The following EVC variants were observed in gnomAD, a reference collection of about 807,000 sequenced individuals.
EVC encodes evC complex member EVC.
A neutral mutation model predicts 118.9 loss-of-function variants in EVC; 116 were observed. The ratio of observed to expected loss-of-function variants is 0.98; its 90% CI spans 0.84 to 1.14. The LOEUF (loss-of-function observed/expected upper bound fraction) is 1.14, where lower values mean the gene tolerates loss of function less well. Among genes scored for constraint, EVC ranks in the 50% most tolerant of loss-of-function variants. EVC has a pLI of 0.00. For synonymous variants in EVC, 619 were observed against 534.7 expected, an observed-to-expected ratio of 1.16 and a Z score of -2.18; for missense variants, 1,401 against 1,246.4, an observed-to-expected ratio of 1.12 and a Z score of -1.87.
intron 18 of EVC, 120 bp from the exon 19 acceptor site, chr4:5,809,398 C>G (rs1716525477): frequency 1.2e-6 from 1 of 856,266 alleles, no homozygotes; most frequent in East Asian, 2.5e-5. Context: ...AATTCTCCTC[C>G]ACACGGGAGA....
chr4:5,759,479 G>C (rs1731677136), intron 11 of EVC, among the ~76,000 whole-genome samples: 1 of 152,030 alleles, frequency 6.6e-6, no homozygotes, highest in East Asian at 1.9e-4. Flanking sequence ...TGCCGGAGGT[G>C]AGCCCAGGTG....
chr4:5,825,356 G>C, the EVC span: 1 of 1,428,618 alleles, frequency 7.0e-7, no homozygotes, highest in South Asian at 1.7e-5. The surrounding 1 kb of genome is among the most constrained non-coding windows in gnomAD (Gnocchi z 4.4). Flanking sequence ...GTGAGAGCAG[G>C]CTCGGGTGGG....
intron 12 of EVC, among the ~76,000 whole-genome samples, chr4:5,788,291 C>T (rs1326182278): frequency 6.6e-6 from 1 of 152,196 alleles, no homozygotes; most frequent in Non-Finnish European, 1.5e-5. Flanking sequence ...AGGCCACATC[C>T]AATCCCTGGG....
At position 5,798,511 on chromosome 4, in the gene EVC, C is replaced by T; in HGVS notation, c.2098-75C>T. On this transcript the variant is annotated intron_variant, in intron 14 of 20. Transcript: ENST00000264956. This position sits in a 1 kb window ranked among gnomAD's most constrained non-coding sequence, Gnocchi z 4.1. Reference sequence around the variant, plus strand: ...CCCTGGGCCCTGGATAGGACCAGCCCCACATCCCAGTCCTGGCCAGAGCTT... The same window carrying T: ...CCCTGGGCCCTGGATAGGACCAGCCTCACATCCCAGTCCTGGCCAGAGCTT... 6.8e-7 allele frequency: 1 copy of T among 1,461,354 alleles called. No homozygotes were observed. 90.5% of individuals were successfully genotyped at this position (1,461,354 alleles called of 1,614,324 possible). A position where few individuals can be genotyped will look rare whatever the true frequency, so the allele number is the denominator to read the frequency against.
rs1728934433 is a variant in EVC, at chr4:5,743,610, T to C, written c.802-1594T>C. Among the ~76,000 whole-genome samples, 1 of 152,090 alleles carries C rather than the reference T, an allele frequency of 6.6e-6. No homozygotes were observed. Among genetic ancestry groups the C allele is most frequent in the African/African-American group, 2.4e-5 (1 of 41,406 alleles). On this transcript the variant is annotated intron_variant, in intron 6 of 20. Coordinates refer to ENST00000264956, the MANE Select transcript of EVC (RefSeq NM_153717.3). This position sits in a 1 kb window ranked among gnomAD's most constrained non-coding sequence, Gnocchi z 4.7. ...TCCTTGTTCCTACCACTGTGAGATCTGGGGGTTTGGGAAGGAATGTTTCTT... is the reference window on the plus strand; with the variant it reads ...TCCTTGTTCCTACCACTGTGAGATCCGGGGGTTTGGGAAGGAATGTTTCTT...
chr4:5,711,615 C>T (rs1287565269), intron 1 of EVC, 61 bp downstream of exon 1: 2 of 1,128,926 alleles, frequency 1.8e-6, no homozygotes, highest in African/African-American at 1.6e-5. Flanking sequence ...CTTCTGGGTC[C>T]TGCGGGCCCG....
intron 7 of EVC, among the ~76,000 whole-genome samples, chr4:5,747,156 T>C (rs1435773197): frequency 2.0e-5 from 3 of 151,956 alleles, no homozygotes; most frequent in Non-Finnish European, 4.4e-5. Flanking sequence ...TGATGAGGGG[T>C]GTTCATCTGG....
At chr4:5,712,616 T>G (rs1336700518) in intron 1 of EVC, among the ~76,000 whole-genome samples, 2 of 152,170 alleles carry the variant, frequency 1.3e-5, no homozygotes, top group African/African-American at 4.8e-5. Flanking sequence ...CGTGGGAAGA[T>G]GAGACAGATC....
At position 5,754,274 on chromosome 4, in the gene EVC, C is replaced by G. The variant is rs998651200; in HGVS notation, c.1464+341C>G. Among the ~76,000 whole-genome samples the G allele has an allele frequency of 1.3e-5, 2 of 152,098 alleles. No homozygotes were observed. The highest frequency in any genetic ancestry group is 2.4e-5 in the African/African-American group (1 of 41,406). Reference sequence around the variant, plus strand: ...CAATGTGTGGCCCAGAGGGGACAAGCATGTCCCGGAGAGTAAGGCAGGCTC... The same window carrying G: ...CAATGTGTGGCCCAGAGGGGACAAGGATGTCCCGGAGAGTAAGGCAGGCTC... On this transcript the variant is annotated intron_variant, in intron 10 of 20. Coordinates refer to ENST00000264956, the MANE Select transcript of EVC (RefSeq NM_153717.3). This position sits in a 1 kb window ranked among gnomAD's most constrained non-coding sequence, Gnocchi z 5.8.
chr4:5,790,375 C>G (rs1712551673), intron 12 of EVC, among the ~76,000 whole-genome samples: 1 of 152,146 alleles, frequency 6.6e-6, no homozygotes, highest in South Asian at 2.1e-4. Flanking sequence ...TCCACCAGAA[C>G]TGAAGTCTAG....
At chr4:5,821,700 G>T in the EVC span, 1 of 1,487,516 alleles carries the variant, frequency 6.7e-7, no homozygotes. The surrounding 1 kb of genome is among the most constrained non-coding windows in gnomAD (Gnocchi z 4.4). Flanking sequence ...AACACTGACA[G>T]GAAAAGGGAT....
intron 11 of EVC, among the ~76,000 whole-genome samples, chr4:5,783,315 T>C (rs1215941957): frequency 6.7e-6 from 1 of 148,552 alleles, no homozygotes; most frequent in Non-Finnish European, 1.5e-5. Context: ...TGTCTGTGTG[T>C]ACAAGTGTGT....
chr4:5,803,336 C>T (rs1015570077), intron 16 of EVC, among the ~76,000 whole-genome samples: 3 of 152,222 alleles, frequency 2.0e-5, no homozygotes, highest in Admixed American at 1.3e-4. Context: ...CTGTCTTCCC[C>T]TTCTCCTGAA....
In EVC at chr4:5,809,499, C is replaced by T. The variant is rs778945216; in HGVS notation, c.2689-19C>T. 2.5e-6 allele frequency: 4 copies of T among 1,612,000 alleles called. No homozygotes were observed. The East Asian group carries it at 8.9e-5, about 36-fold the overall frequency. On this transcript the variant is annotated intron_variant, in intron 18 of 20. Coordinates refer to ENST00000264956, the MANE Select transcript of EVC (RefSeq NM_153717.3). ...CAGAGGGAGGCCCAGCTGAATGCTC[C>T]TCTCTGCTTGCATTTCAGGAAGCTG...
At position 5,745,199 on chromosome 4, in the gene EVC, T is replaced by G; in HGVS notation, c.802-5T>G. The G allele has an allele frequency of 6.2e-7, 1 of 1,608,848 alleles. No homozygotes were observed. Among genetic ancestry groups the G allele is most frequent in the Non-Finnish European group, 8.5e-7 (1 of 1,176,964 alleles). On this transcript the variant is annotated splice_region_variant and splice_polypyrimidine_tract_variant and intron_variant, in intron 6 of 20. Transcript: ENST00000264956. ...TTTGCTTTCTTTTTTCTTCTTCTTC[T>G]TCAGGATTTGGAGGAACTAGAAAAG...
rs1430269582 is a variant in EVC, at chr4:5,752,959, G to C, written c.1222G>C (p.Ala408Pro). The C allele has an allele frequency of 6.2e-7, 1 of 1,613,942 alleles. No homozygotes were observed. Among genetic ancestry groups the C allele is most frequent in the African/African-American group, 1.3e-5 (1 of 74,946 alleles). ...CATCTCCCACGGCCTGGAGCTGCTG[G>C]CTGGTGAGGGGAAGCTGTCCGGGCG... ...AAISHGLELL[A>P]GEGKLSGRQK... The change falls in exon 9 of 21, where the codon GCT becomes CCT. Residue 408 changes from alanine to proline, a missense_variant. Physicochemically the swap from Ala to Pro is conservative, Grantham distance 27. Coordinates refer to ENST00000264956, the MANE Select transcript of EVC (RefSeq NM_153717.3).
chr4:5,757,680 G>A (rs1731386500), intron 11 of EVC, among the ~76,000 whole-genome samples: 1 of 152,142 alleles, frequency 6.6e-6, no homozygotes, highest in Admixed American at 6.5e-5. Context: ...AGAGGGCTCT[G>A]GTCTCTCCCT....
intron 5 of EVC, among the ~76,000 whole-genome samples, chr4:5,736,245 C>T (rs754927946): frequency 7.2e-5 from 11 of 152,054 alleles, no homozygotes; most frequent in Middle Eastern, 3.2e-3. Flanking sequence ...GCTGCACTTA[C>T]GTGAATCTAT....
intron 7 of EVC, 159 bp from the exon 8 acceptor site, chr4:5,747,989 A>G: frequency 3.6e-6 from 3 of 825,672 alleles, no homozygotes; most frequent in South Asian, 1.5e-5. Context: ...ACTTCACTGT[A>G]GAACGTGATT....
Sources: allele counts gnomAD v4.1 joint callset (sites outside exome capture counted in the v4.1 genomes callset), GRCh38; gene constraint gnomAD v4.1.1; non-coding constraint Gnocchi (gnomAD v3.1); transcripts MANE v1.5; gene names NCBI Gene and HGNC (gene_info 2026-07-23, HGNC 2026-07-21).